The following CBX5 variants were observed in gnomAD, a reference collection of about 807,000 sequenced individuals.
CBX5 encodes chromobox 5, also known as chromobox protein homolog 5.
A neutral mutation model predicts 20.7 loss-of-function variants in CBX5; 7 were observed. The ratio of observed to expected loss-of-function variants is 0.34; its 90% CI spans 0.19 to 0.63. The LOEUF (loss-of-function observed/expected upper bound fraction) is 0.63, where lower values mean the gene tolerates loss of function less well. Among genes scored for constraint, CBX5 ranks in the 30% least tolerant of loss-of-function variants. CBX5 has a pLI of 0.75. For missense variants in CBX5, 110 were observed against 224.1 expected, an observed-to-expected ratio of 0.49 and a Z score of 3.25; for synonymous variants, 78 against 77.0, an observed-to-expected ratio of 1.01 and a Z score of -0.07.
chr12:54,253,835 T>A (rs1021086586), intron 2 of CBX5, among the ~76,000 whole-genome samples: 4 of 150,578 alleles, frequency 2.7e-5, no homozygotes, highest in Non-Finnish European at 4.4e-5. Context: ...TGATATCGGC[T>A]CGCTGCAACC....
intron 3 of CBX5, 58 bp from the exon 4 acceptor site, chr12:54,246,273 G>A: frequency 2.4e-6 from 3 of 1,240,430 alleles, no homozygotes; most frequent in Non-Finnish European, 2.3e-6. Flanking sequence ...GAAACTCCCT[G>A]CTTCTAGGCT....
intron 1 of CBX5, chr12:54,272,337 G>A (rs1316464370): frequency 6.6e-6 from 1 of 152,064 alleles, no homozygotes; most frequent in East Asian, 1.9e-4. Context: ...CAAGCTCATG[G>A]CTTTATCTAG....
intron 2 of CBX5, among the ~76,000 whole-genome samples, chr12:54,255,473 C>T (rs1943853807): frequency 1.3e-5 from 2 of 149,278 alleles, no homozygotes; most frequent in Non-Finnish European, 3.0e-5. Context: ...GCAGGAGAAT[C>T]GCTTGAACCC....
intron 1 of CBX5, among the ~76,000 whole-genome samples, chr12:54,269,888 G>A (rs1278422471): frequency 6.6e-6 from 1 of 152,136 alleles, no homozygotes; most frequent in Non-Finnish European, 1.5e-5. Flanking sequence ...CCAAGGTTCT[G>A]TATTTAAGTG....
At chr12:54,247,616 C>G (rs1943749317) in intron 3 of CBX5, among the ~76,000 whole-genome samples, 1 of 152,092 alleles carries the variant, frequency 6.6e-6, no homozygotes, top group Non-Finnish European at 1.5e-5. Context: ...ACAAGGAGCA[C>G]AGGTTCAAAT....
At chr12:54,251,667 A>G (rs1247370394) in intron 3 of CBX5, among the ~76,000 whole-genome samples, 5 of 152,140 alleles carry the variant, frequency 3.3e-5, no homozygotes, top group Non-Finnish European at 2.9e-5. Context: ...CCTGGGCAAC[A>G]GAGCAAGACT....
chr12:54,271,594 G>T (rs1592164558), intron 1 of CBX5, among the ~76,000 whole-genome samples: 1 of 152,234 alleles, frequency 6.6e-6, no homozygotes, highest in East Asian at 1.9e-4. Context: ...AAAGTGCTGG[G>T]ATTACAGGCG....
In CBX5 at chr12:54,241,666, T is replaced by G; in HGVS notation, c.*89A>C. ...TAAGCACATTTTTTATGGATGTGTTTAGGATAGAAAGGGGTGGGTAGAAAG... is the reference window on the plus strand; with the variant it reads ...TAAGCACATTTTTTATGGATGTGTTGAGGATAGAAAGGGGTGGGTAGAAAG... On this transcript the variant is annotated 3_prime_UTR_variant, in exon 5 of 5. Transcript: ENST00000209875. 1 of 1,275,352 alleles carries G rather than the reference T, an allele frequency of 7.8e-7. No individual in the cohort carries two copies. Among genetic ancestry groups the G allele is most frequent in the South Asian group, 1.4e-5 (1 of 69,986 alleles). 79.0% of individuals were successfully genotyped at this position (1,275,352 alleles called of 1,614,324 possible).
chr12:54,245,605 A>C (rs1291657816), intron 4 of CBX5, among the ~76,000 whole-genome samples: 1 of 152,020 alleles, frequency 6.6e-6, no homozygotes, highest in African/African-American at 2.4e-5. Context: ...CAGCCTGACC[A>C]ACATAGAGGA....
At chr12:54,267,896 C>T (rs1943971643) in intron 1 of CBX5, among the ~76,000 whole-genome samples, 1 of 152,202 alleles carries the variant, frequency 6.6e-6, no homozygotes, top group African/African-American at 2.4e-5. Flanking sequence ...ATAATCCCAG[C>T]ATTTTGGGAG....
At chr12:54,268,369 G>C (rs1206554219) in intron 1 of CBX5, among the ~76,000 whole-genome samples, 2 of 152,166 alleles carry the variant, frequency 1.3e-5, no homozygotes, top group South Asian at 4.1e-4. Context: ...TATCATAAAA[G>C]TGTGCTCTAA....
At chr12:54,264,633 G>A (rs1389641487) in intron 1 of CBX5, among the ~76,000 whole-genome samples, 1 of 152,038 alleles carries the variant, frequency 6.6e-6, no homozygotes, top group Non-Finnish European at 1.5e-5. Flanking sequence ...ACCTGAGGTC[G>A]GGAGTTTGAG....
chr12:54,261,014 C>T (rs529131130), intron 1 of CBX5, among the ~76,000 whole-genome samples: 11 of 151,976 alleles, frequency 7.2e-5, no homozygotes, highest in Admixed American at 6.6e-4. Context: ...AACATGGTGA[C>T]GCCCCATCTC....
rs2137004914 is a variant in CBX5 at position 54,236,095 on chromosome 12, T to TTA, written c.*5658_*5659dup. On this transcript the variant is annotated 3_prime_UTR_variant, in exon 5 of 5. Transcript: ENST00000209875. Reference sequence around the variant, plus strand: ...GCCAGCTGGCTCAGTTCACCCAATGTTATAGGTCTTTTCCACATATAGGCC... The same window carrying TTA: ...GCCAGCTGGCTCAGTTCACCCAATGTTATATAGGTCTTTTCCACATATAGGCC... 6.6e-6 allele frequency: 1 copy of TTA among 152,340 alleles called. No individual in the cohort carries two copies. The highest frequency in any genetic ancestry group is 2.1e-4 in the South Asian group (1 of 4,828). 9.4% of individuals were successfully genotyped at this position (152,340 alleles called of 1,614,324 possible). A position where few individuals can be genotyped will look rare whatever the true frequency, so the allele number is the denominator to read the frequency against.
In CBX5 at chr12:54,235,878, C is replaced by T. The variant is rs1409329944; in HGVS notation, c.*5877G>A. On this transcript the variant is annotated 3_prime_UTR_variant, in exon 5 of 5. Coordinates refer to ENST00000209875, the MANE Select transcript of CBX5 (RefSeq NM_012117.3). ...TAGAACCCACAATAATGTAACACAACTGAATCTGCAACATAGTTAATGCTT... is the reference window on the plus strand; with the variant it reads ...TAGAACCCACAATAATGTAACACAATTGAATCTGCAACATAGTTAATGCTT... 1 of 152,202 alleles carries T rather than the reference C, an allele frequency of 6.6e-6. No homozygotes were observed. The highest frequency in any genetic ancestry group is 1.5e-5 in the Non-Finnish European group (1 of 68,040). The allele number at this position is 152,202 out of a possible 1,614,324, so 9.4% of individuals were successfully genotyped here. A position where few individuals can be genotyped will look rare whatever the true frequency, so the allele number is the denominator to read the frequency against.
intron 2 of CBX5, among the ~76,000 whole-genome samples, chr12:54,254,637 G>A (rs1426354674): frequency 6.6e-6 from 1 of 152,066 alleles, no homozygotes; most frequent in Non-Finnish European, 1.5e-5. Flanking sequence ...TGGATCACCT[G>A]AGGTCAGGAG....
At chr12:54,267,195 T>C (rs1943965168) in intron 1 of CBX5, among the ~76,000 whole-genome samples, 5 of 152,146 alleles carry the variant, frequency 3.3e-5, no homozygotes, top group Admixed American at 3.3e-4. Flanking sequence ...CATAAGTAAA[T>C]CTTGAGAAAA....
intron 1 of CBX5, among the ~76,000 whole-genome samples, chr12:54,269,283 T>A (rs888626283): frequency 2.6e-5 from 4 of 151,964 alleles, no homozygotes; most frequent in African/African-American, 9.7e-5. Flanking sequence ...AATAAATAAC[T>A]GTTTTAAGCG....
chr12:54,257,802 CTT>C lies in CBX5; in HGVS notation c.-42-112_-42-111del, dbSNP rs369700292. ...ACACTGAGTTGCCATGTGCCCTGCT[CTT>C]GAGTCTCAAATCATTCTACAGATGA... On this transcript the variant is annotated intron_variant, in intron 1 of 4. Transcript: ENST00000209875. The C allele has an allele frequency of 6.9e-5, 49 of 709,648 alleles. No homozygotes were observed. In the African/African-American group the frequency reaches 8.2e-4, roughly 12 times the overall value. 44.0% of individuals were successfully genotyped at this position (709,648 alleles called of 1,614,324 possible). A position where few individuals can be genotyped will look rare whatever the true frequency, so the allele number is the denominator to read the frequency against.
Sources: allele counts gnomAD v4.1 joint callset (sites outside exome capture counted in the v4.1 genomes callset), GRCh38; gene constraint gnomAD v4.1.1; transcripts MANE v1.5; gene names NCBI Gene and HGNC (gene_info 2026-07-23, HGNC 2026-07-21).